Variants in ABTB2 observed in about 807,000 individuals in gnomAD.
ABTB2 encodes the protein ankyrin repeat and BTB domain containing 2.
ABTB2 carries 56 observed loss-of-function variants against 104.1 expected under a neutral mutation model. The ratio of observed to expected loss-of-function variants is 0.54; its 90% CI spans 0.43 to 0.67. The LOEUF (loss-of-function observed/expected upper bound fraction) is 0.67. Among genes scored for constraint, ABTB2 ranks in the 30% least tolerant of loss-of-function variants. The probability of loss-of-function intolerance (pLI) is 0.00; values close to 1 mark genes in which losing one functional copy is unlikely to be tolerated. For synonymous variants in ABTB2, 606 were observed against 608.2 expected (o/e 1.00, Z 0.05); for missense variants, 1,279 against 1,407.7 (o/e 0.91, Z 1.46).
intron 1 of ABTB2, among the ~76,000 whole-genome samples, chr11:34,344,544 G>A (rs1855305796): frequency 6.6e-6 from 1 of 152,176 alleles, no homozygotes; most frequent in African/African-American, 2.4e-5. Flanking sequence ...CCAGGCTGGA[G>A]TGCATGCAGT....
rs1852600618 is a variant in ABTB2, at chr11:34,154,904, C to T, written c.2698-135G>A. The T allele has an allele frequency of 2.6e-6, 2 of 773,092 alleles. No individual in the cohort carries two copies. The highest frequency in any genetic ancestry group is 3.5e-5 in the South Asian group (2 of 57,002). The allele number at this position is 773,092 out of a possible 1,614,324, so 47.9% of individuals were successfully genotyped here. Reference sequence around the variant, plus strand: ...TGCAGGTCCCCAGCTCTGTCTCTCCCTCCCTCTCCTGCTCAGGCTGAGACT... The same window carrying T: ...TGCAGGTCCCCAGCTCTGTCTCTCCTTCCCTCTCCTGCTCAGGCTGAGACT... On this transcript the variant is annotated intron_variant, in intron 14 of 16. Coordinates refer to ENST00000435224, the MANE Select transcript of ABTB2 (RefSeq NM_145804.3). This position sits in a 1 kb window ranked among gnomAD's most constrained non-coding sequence, Gnocchi z 4.9.
intron 1 of ABTB2, among the ~76,000 whole-genome samples, chr11:34,220,960 T>C (rs1374434277): frequency 2.0e-5 from 3 of 151,800 alleles, no homozygotes; most frequent in Non-Finnish European, 2.9e-5. Context: ...TCTGTGCCTG[T>C]GTCCTAATCT....
chr11:34,167,309 AGTGCCGGCTGTCGGGGTGGAT>A lies in ABTB2; in HGVS notation c.1684_1704del (p.Ile562_His568del). On this transcript the variant is annotated inframe_deletion, in exon 7 of 17. Transcript: ENST00000435224. Reference sequence around the variant, plus strand: ...AGCACAGCGAATGTCAGTGAGGTCCAGTGCCGGCTGTCGGGGTGGATGGAAGGGTGCCTGGGGGAGTTGCTT... The same window carrying A: ...AGCACAGCGAATGTCAGTGAGGTCCAGGAAGGGTGCCTGGGGGAGTTGCTT... 1 of 1,613,516 alleles carries A rather than the reference AGTGCCGGCTGTCGGGGTGGAT, an allele frequency of 6.2e-7. No individual in the cohort carries two copies. Among genetic ancestry groups the A allele is most frequent in the Non-Finnish European group, 8.5e-7 (1 of 1,179,692 alleles).
intron 1 of ABTB2, among the ~76,000 whole-genome samples, chr11:34,276,994 C>T (rs1854389384): frequency 6.6e-6 from 1 of 152,158 alleles, no homozygotes; most frequent in Non-Finnish European, 1.5e-5. Flanking sequence ...CTCCACCTCC[C>T]AGGTTCAAGT....
chr11:34,317,725 A>T (rs1010860072), intron 1 of ABTB2, among the ~76,000 whole-genome samples: 1 of 145,628 alleles, frequency 6.9e-6, no homozygotes, highest in Non-Finnish European at 1.5e-5. Flanking sequence ...TGTTGTCACC[A>T]CATTCCAGCC....
chr11:34,307,975 C>T lies in ABTB2; in HGVS notation c.883+48726G>A, dbSNP rs138866174. 2.9e-3 allele frequency among the ~76,000 whole-genome samples: 441 copies of T among 152,304 alleles called. 4 individuals carry two copies. The highest frequency in any genetic ancestry group is 0.01 in the African/African-American group (418 of 41,574). Reference sequence around the variant, plus strand: ...CCTCCCAAAGTGCTGGGATTACAGGCGTGAGCCACTGCACCCAGCTAGATG... The same window carrying T: ...CCTCCCAAAGTGCTGGGATTACAGGTGTGAGCCACTGCACCCAGCTAGATG... On this transcript the variant is annotated intron_variant, in intron 1 of 16. Transcript: ENST00000435224.
intron 1 of ABTB2, among the ~76,000 whole-genome samples, chr11:34,256,650 C>T (rs1471781245): frequency 1.3e-5 from 2 of 152,116 alleles, no homozygotes; most frequent in Non-Finnish European, 2.9e-5. Context: ...CATTTGGGGG[C>T]TTGGTGGAGG....
At chr11:34,269,707 T>C (rs750857463) in intron 1 of ABTB2, among the ~76,000 whole-genome samples, 1 of 152,234 alleles carries the variant, frequency 6.6e-6, no homozygotes, top group Non-Finnish European at 1.5e-5. Context: ...TTGATTATCT[T>C]TCAACCATTT....
At position 34,181,412 on chromosome 11, in the gene ABTB2, G is replaced by T. The variant is rs1479367329; in HGVS notation, c.1245-8105C>A. On this transcript the variant is annotated intron_variant, in intron 3 of 16. Coordinates refer to ENST00000435224, the MANE Select transcript of ABTB2 (RefSeq NM_145804.3). ...TTCCCCGGGGTAGGCAGGGACCCCA[G>T]AGTGAGTCAGGTTGGCAGATGGGGC... Among the ~76,000 whole-genome samples, 5 of 152,182 alleles carry T rather than the reference G, an allele frequency of 3.3e-5. No individual in the cohort carries two copies. In the East Asian group the frequency reaches 9.6e-4, roughly 29 times the overall value.
intron 1 of ABTB2, among the ~76,000 whole-genome samples, chr11:34,325,922 G>A (rs1855063914): frequency 6.9e-6 from 1 of 145,314 alleles, no homozygotes; most frequent in Non-Finnish European, 1.5e-5. Context: ...CTGCACTCCA[G>A]CCTGGGCGAC....
intron 1 of ABTB2, among the ~76,000 whole-genome samples, chr11:34,297,781 A>AAAT (rs1554923780): frequency 9.6e-5 from 7 of 73,198 alleles, no homozygotes; most frequent in African/African-American, 1.4e-4. Context: ...AAAAAAAAAA[A>AAAT]AAATAAAAAT....
At chr11:34,215,947 T>G (rs551637717) in intron 1 of ABTB2, among the ~76,000 whole-genome samples, 6 of 152,054 alleles carry the variant, frequency 3.9e-5, no homozygotes, top group Admixed American at 1.3e-4. Flanking sequence ...TCCACAGTGA[T>G]TTAAAAAAAA....
intron 1 of ABTB2, among the ~76,000 whole-genome samples, chr11:34,225,844 A>T (rs942182397): frequency 2.0e-5 from 3 of 152,026 alleles, no homozygotes; most frequent in African/African-American, 4.8e-5. Context: ...AAAAATAAGA[A>T]CCTGTGTTAC....
chr11:34,247,379 A>G (rs534475043), intron 1 of ABTB2, among the ~76,000 whole-genome samples: 56 of 152,336 alleles, frequency 3.7e-4, no homozygotes, highest in South Asian at 1.4e-3. Flanking sequence ...TACTTCAAGT[A>G]CCCACACCAC....
chr11:34,253,157 C>A (rs1011645052), intron 1 of ABTB2, among the ~76,000 whole-genome samples: 11 of 152,208 alleles, frequency 7.2e-5, no homozygotes, highest in African/African-American at 9.6e-5. Flanking sequence ...AGAATCTCCA[C>A]CCCCTTCTCC....
At chr11:34,332,467 C>G (rs911266952) in intron 1 of ABTB2, among the ~76,000 whole-genome samples, 1 of 152,180 alleles carries the variant, frequency 6.6e-6, no homozygotes, top group African/African-American at 2.4e-5. Context: ...GTATTATGCA[C>G]CCATCCACCC....
Position 34,357,010 on chromosome 11 carries a change from C to G in ABTB2, c.574G>C (p.Gly192Arg), listed in dbSNP as rs746302788. 1 of 1,568,576 alleles carries G rather than the reference C, an allele frequency of 6.4e-7. No homozygotes were observed. The change falls in exon 1 of 17, where the codon GGG becomes CGG. Residue 192 changes from glycine (G) to arginine (R), a missense_variant. Transcript: ENST00000435224. Reference sequence around the variant, plus strand: ...CGCGCGGACTTGCCCCGGCGCAGCCCGTCGCCGGCGCTCATGCTGTACAGG... The same window carrying G: ...CGCGCGGACTTGCCCCGGCGCAGCCGGTCGCCGGCGCTCATGCTGTACAGG... ...LSLYSMSAGD[G>R]LRRGKSARCG... is the part of the protein sequence containing the mutation.
intron 1 of ABTB2, among the ~76,000 whole-genome samples, chr11:34,348,162 T>C (rs1855356627): frequency 6.6e-6 from 1 of 152,226 alleles, no homozygotes; most frequent in Non-Finnish European, 1.5e-5. Flanking sequence ...GGTCTTCTTT[T>C]AATGCTTTTA....
intron 1 of ABTB2, among the ~76,000 whole-genome samples, chr11:34,212,660 A>T (rs2133045538): frequency 6.6e-6 from 1 of 152,256 alleles, no homozygotes; most frequent in East Asian, 1.9e-4. Context: ...CCCCATGCAA[A>T]CTCAGAGACA....
Sources: allele counts gnomAD v4.1 joint callset (sites outside exome capture counted in the v4.1 genomes callset), GRCh38; gene constraint gnomAD v4.1.1; non-coding constraint Gnocchi (gnomAD v3.1); transcripts MANE v1.5; gene names NCBI Gene and HGNC (gene_info 2026-07-23, HGNC 2026-07-21).